The following GLI2 variants were observed in gnomAD, a reference collection of about 807,000 sequenced individuals.
GLI2 encodes the protein GLI family zinc finger 2.
GLI2 carries 22 observed loss-of-function variants against 78.9 expected under a neutral mutation model. That is an observed-to-expected ratio of 0.28 (90% CI 0.20 to 0.40). The LOEUF is 0.40. Ranked by LOEUF, GLI2 falls within the 10% of genes least tolerant of loss-of-function variation. The probability of loss-of-function intolerance (pLI) is 1.00; values close to 1 mark genes in which losing one functional copy is unlikely to be tolerated. For missense variants in GLI2, 2,097 were observed against 2,213.2 expected, an observed-to-expected ratio of 0.95 and a Z score of 1.05; for synonymous variants, 974 against 963.7, an observed-to-expected ratio of 1.01 and a Z score of -0.20.
At chr2:120,772,320 G>C (rs561463297) in intron 1 of GLI2, among the ~76,000 whole-genome samples, 1 of 152,236 alleles carries the variant, frequency 6.6e-6, no homozygotes, top group South Asian at 2.1e-4. Flanking sequence ...CCCATCTCCA[G>C]CTCCCCAAGA....
rs546404993 is a variant in GLI2 at position 120,823,453 on chromosome 2, G to A, written c.148+25985G>A. ...GAGGAGGCAGAGAGGGACATCACTC[G>A]CCCAGTACACGCTGAAGTGTGCTTT... On this transcript the variant is annotated intron_variant, in intron 2 of 13. Transcript: ENST00000361492. Among the ~76,000 whole-genome samples, 202 of 152,268 alleles carry A rather than the reference G, an allele frequency of 1.3e-3. 1 individual carries two copies. Among genetic ancestry groups the A allele is most frequent in the Non-Finnish European group, 1.9e-3 (126 of 68,014 alleles).
At chr2:120,827,723 G>A (rs1181208305) in intron 2 of GLI2, among the ~76,000 whole-genome samples, 2 of 152,134 alleles carry the variant, frequency 1.3e-5, no homozygotes, top group South Asian at 2.1e-4. Flanking sequence ...AAGGACATTC[G>A]GACACAGCAC....
rs191591728 is a variant in GLI2, at chr2:120,986,607, G to A, written c.2235G>A (p.Pro745=). ...GGAACACCAAGCTGCCTCCCCTCCC[G>A]GGAAGTGGTGAGTAAAGGCCTGGGG... ...HTRNTKLPPL[P]GSGSILENFS... is the part of the protein sequence containing the mutation. Residue 745 remains proline (P), a synonymous_variant, in exon 13 of 14, where the codon CCG becomes CCA. Coordinates refer to ENST00000361492, the MANE Select transcript of GLI2 (RefSeq NM_001374353.1). The A allele has an allele frequency of 4.5e-5, 73 of 1,613,826 alleles. No homozygotes were observed. The highest frequency in any genetic ancestry group is 5.4e-5 in the Non-Finnish European group (64 of 1,179,874).
At chr2:120,891,193 C>T (rs1328162122) in intron 2 of GLI2, among the ~76,000 whole-genome samples, 2 of 152,132 alleles carry the variant, frequency 1.3e-5, no homozygotes, top group Non-Finnish European at 2.9e-5. Context: ...GCACCCCTCA[C>T]CCAGGAGTGG....
At chr2:120,829,915 G>A (rs1231132037) in intron 2 of GLI2, among the ~76,000 whole-genome samples, 2 of 152,226 alleles carry the variant, frequency 1.3e-5, no homozygotes, top group East Asian at 1.9e-4. Context: ...ACTGTGCTAG[G>A]CATTCAGAGG....
At chr2:120,972,684 A>G in intron 8 of GLI2, 1 of 518,836 alleles carries the variant, frequency 1.9e-6, no homozygotes, top group Non-Finnish European at 3.8e-6. Context: ...GTGTGCAGTC[A>G]CTGACACAGT....
chr2:120,948,023 G>A (rs1369134795), intron 3 of GLI2, among the ~76,000 whole-genome samples: 1 of 152,202 alleles, frequency 6.6e-6, no homozygotes, highest in East Asian at 1.9e-4. Context: ...TAGGATAGTG[G>A]CATCTTCCAG....
At chr2:120,797,504 G>C in intron 2 of GLI2, 36 bp downstream of exon 2, 1 of 1,602,442 alleles carries the variant, frequency 6.2e-7, no homozygotes, top group Non-Finnish European at 8.5e-7. Flanking sequence ...GGGCAGCAGG[G>C]GTGTTTTTCA....
chr2:120,757,945 G>T (rs962042275), intron 1 of GLI2, among the ~76,000 whole-genome samples: 1 of 152,176 alleles, frequency 6.6e-6, no homozygotes, highest in Non-Finnish European at 1.5e-5. Flanking sequence ...GTTACATCTG[G>T]TCCCTGTTAT....
intron 2 of GLI2, among the ~76,000 whole-genome samples, chr2:120,873,845 CA>C (rs1688591377): frequency 6.6e-6 from 1 of 152,212 alleles, no homozygotes; most frequent in Non-Finnish European, 1.5e-5. Flanking sequence ...CTCTTGTTTG[CA>C]GAGTTCGTAA....
At chr2:120,815,196 C>T (rs1241658193) in intron 2 of GLI2, among the ~76,000 whole-genome samples, 1 of 152,138 alleles carries the variant, frequency 6.6e-6, no homozygotes, top group African/African-American at 2.4e-5. Flanking sequence ...TAAGTAACGG[C>T]AGTTTTCAGG....
At chr2:120,798,373 G>T (rs971564951) in intron 2 of GLI2, among the ~76,000 whole-genome samples, 4 of 152,212 alleles carry the variant, frequency 2.6e-5, no homozygotes, top group Non-Finnish European at 4.4e-5. Context: ...CTGCATTTCT[G>T]TTGGGTGCCA....
At chr2:120,951,065 G>T (rs994503699) in intron 3 of GLI2, among the ~76,000 whole-genome samples, 178 bp from the exon 4 acceptor site, 17 of 152,256 alleles carry the variant, frequency 1.1e-4, no homozygotes, top group African/African-American at 3.9e-4. Context: ...ACTAATGCTT[G>T]AGAGTTCAGA....
intron 4 of GLI2, 68 bp from the exon 5 acceptor site, chr2:120,955,177 T>G: frequency 4.2e-6 from 3 of 707,422 alleles, no homozygotes; most frequent in Non-Finnish European, 2.4e-6. Context: ...TTTTTTTTTT[T>G]TTTTGGCAGG....
At chr2:120,881,507 C>T (rs908745077) in intron 2 of GLI2, among the ~76,000 whole-genome samples, 7 of 103,524 alleles carry the variant, frequency 6.8e-5, no homozygotes, top group Admixed American at 2.1e-4. Flanking sequence ...GGGGAGAGGG[C>T]AGGTCAAGGG....
At chr2:120,928,462 T>G (rs917477281) in intron 3 of GLI2, among the ~76,000 whole-genome samples, 3 of 152,096 alleles carry the variant, frequency 2.0e-5, no homozygotes, top group African/African-American at 7.2e-5. Flanking sequence ...CATCTGTTTT[T>G]GCACCTGCCT....
intron 2 of GLI2, among the ~76,000 whole-genome samples, chr2:120,872,489 TCATA>T (rs1477863343): frequency 1.3e-5 from 2 of 152,122 alleles, no homozygotes; most frequent in Admixed American, 1.3e-4. Flanking sequence ...GAGATGAAGG[TCATA>T]CTGCAAAGTG....
rs775934846 is a variant in GLI2 at position 120,834,007 on chromosome 2, A to G, written c.148+36539A>G. On this transcript the variant is annotated intron_variant, in intron 2 of 13. Coordinates refer to ENST00000361492, the MANE Select transcript of GLI2 (RefSeq NM_001374353.1). ...TGGCCTAACTCTCAGTCTGGCTTCA[A>G]AGTAACCTGTGATGCTGCTGCACAG... 7.2e-5 allele frequency among the ~76,000 whole-genome samples: 11 copies of G among 152,146 alleles called. 1 individual carries two copies. Among genetic ancestry groups the G allele is most frequent in the Non-Finnish European group, 1.5e-4 (10 of 68,024 alleles).
intron 2 of GLI2, among the ~76,000 whole-genome samples, chr2:120,854,180 G>A (rs377389396): frequency 4.6e-5 from 7 of 152,220 alleles, no homozygotes; most frequent in East Asian, 3.8e-4. Flanking sequence ...GCAGGGCCGG[G>A]AGTCAAGGAG....
Sources: gnomAD v4.1 joint callset for allele counts (sites outside exome capture counted in the v4.1 genomes callset) on GRCh38, gnomAD v4.1.1 for gene constraint, MANE v1.5 for transcripts, NCBI Gene and HGNC (gene_info 2026-07-23, HGNC 2026-07-21) for gene names.